Variants in TAFA2 observed in about 807,000 individuals in gnomAD.
TAFA2 encodes the protein TAFA chemokine like family member 2.
In TAFA2, 7 loss-of-function variants were observed where a neutral mutation model predicts 18.8. That is an observed-to-expected ratio of 0.37 (90% CI 0.21 to 0.70). The LOEUF is 0.70. Ranked by LOEUF, TAFA2 falls within the 30% of genes least tolerant of loss-of-function variation. The pLI is 0.53. For missense variants in TAFA2, 122 were observed against 158.1 expected, an observed-to-expected ratio of 0.77 and a Z score of 1.23; for synonymous variants, 60 against 54.2, an observed-to-expected ratio of 1.11 and a Z score of -0.47.
intron 1 of TAFA2, among the ~76,000 whole-genome samples, chr12:61,869,372 T>C (rs1341207947): frequency 3.3e-5 from 5 of 152,198 alleles, no homozygotes; most frequent in African/African-American, 9.6e-5. Flanking sequence ...GTGTAAAAGG[T>C]TTAACACTAT....
intron 2 of TAFA2, among the ~76,000 whole-genome samples, chr12:61,756,235 G>C (rs909738265): frequency 6.6e-6 from 1 of 151,972 alleles, no homozygotes; most frequent in Non-Finnish European, 1.5e-5. Flanking sequence ...GTAACATACA[G>C]CTTTGACATA....
At chr12:62,082,921 T>G (rs1165495273) in intron 1 of TAFA2, among the ~76,000 whole-genome samples, 1 of 152,206 alleles carries the variant, frequency 6.6e-6, no homozygotes, top group Non-Finnish European at 1.5e-5. Context: ...CAGTGATTTT[T>G]TTTCCATTTA....
chr12:61,769,690 G>GTC (rs1869943605), intron 2 of TAFA2, among the ~76,000 whole-genome samples: 1 of 150,216 alleles, frequency 6.7e-6, no homozygotes. Context: ...GGAGAAGGGG[G>GTC]AGAGCACCAT....
rs368047311 is a variant in TAFA2 at position 62,202,821 on chromosome 12, C to CCT, written c.-130+55941_-130+55942insAG. Among the ~76,000 whole-genome samples, 221 of 61,628 alleles carry CCT rather than the reference C, an allele frequency of 3.6e-3. 15 individuals carry two copies. The highest frequency in any genetic ancestry group is 4.9e-3 in the Non-Finnish European group (161 of 32,864). The allele number at this position is 61,628 out of a possible 152,430, so 40.4% of individuals were successfully genotyped here. On this transcript the variant is annotated intron_variant, in intron 1 of 5. Transcript: ENST00000551619. ...TCAATTTACATGTAGCTGTGTGGTT[C>CCT]TTTTTTTTTTTTTTTTTTTTTTTTT...
At chr12:61,914,799 G>A (rs12305044) in intron 1 of TAFA2, among the ~76,000 whole-genome samples, 14,317 of 152,130 alleles carry the variant, frequency 0.094, 2,220 homozygotes, top group African/African-American at 0.32. Flanking sequence ...TCTCTAAATA[G>A]CTTCCTTTCT....
At chr12:61,914,765 A>G (rs1384915523) in intron 1 of TAFA2, among the ~76,000 whole-genome samples, 1 of 152,196 alleles carries the variant, frequency 6.6e-6, no homozygotes, top group Non-Finnish European at 1.5e-5. Context: ...AGTTGACAAA[A>G]AATTAGACAG....
rs528873157 is a variant in TAFA2 at position 61,957,073 on chromosome 12, C to T, written c.-1-89647G>A. ...TGTTTCACTGAGTTCCCAGGTGTAT[C>T]GCTGACAGAGATGGCAGTTAAATGT... On this transcript the variant is annotated intron_variant, in intron 1 of 4. Transcript: ENST00000416284. Among the ~76,000 whole-genome samples, 8 of 152,226 alleles carry T rather than the reference C, an allele frequency of 5.3e-5. No individual in the cohort carries two copies. The South Asian group carries it at 6.2e-4, about 12-fold the overall frequency.
At chr12:61,793,192 T>C (rs772334511) in intron 2 of TAFA2, among the ~76,000 whole-genome samples, 1 of 151,466 alleles carries the variant, frequency 6.6e-6, no homozygotes, top group Admixed American at 6.6e-5. Flanking sequence ...GCTTTCATCT[T>C]AAGAAACTGT....
At chr12:62,054,446 A>C (rs1475249017) in intron 1 of TAFA2, among the ~76,000 whole-genome samples, 1 of 152,192 alleles carries the variant, frequency 6.6e-6, no homozygotes, top group African/African-American at 2.4e-5. Context: ...CTCAGAGTTC[A>C]CCTCAATATC....
At chr12:61,841,496 G>C (rs1873178225) in intron 2 of TAFA2, among the ~76,000 whole-genome samples, 1 of 151,880 alleles carries the variant, frequency 6.6e-6, no homozygotes, top group African/African-American at 2.4e-5. Context: ...CCATTCTATT[G>C]GTCTATACGT....
chr12:62,202,688 C>T (rs931019011), intron 1 of TAFA2, among the ~76,000 whole-genome samples: 4 of 152,060 alleles, frequency 2.6e-5, no homozygotes, highest in African/African-American at 9.7e-5. Flanking sequence ...TTAACTGCAT[C>T]CCAGAGATCC....
chr12:61,850,495 A>T (rs773001383), intron 2 of TAFA2, among the ~76,000 whole-genome samples: 19 of 152,104 alleles, frequency 1.2e-4, no homozygotes, highest in Non-Finnish European at 1.6e-4. Flanking sequence ...ATGATCAAAA[A>T]AGAATAAATG....
intron 1 of TAFA2, among the ~76,000 whole-genome samples, chr12:62,034,746 A>G (rs533944920): frequency 4.9e-4 from 75 of 152,134 alleles, no homozygotes; most frequent in Non-Finnish European, 9.3e-4. Flanking sequence ...ATACTATTAA[A>G]CTCCTGTAAA....
intron 1 of TAFA2, among the ~76,000 whole-genome samples, chr12:61,947,507 G>A (rs1006953661): frequency 3.9e-5 from 6 of 151,920 alleles, no homozygotes; most frequent in East Asian, 3.9e-4. Flanking sequence ...TTTGTCATTC[G>A]TTTTATCTCA....
chr12:61,771,473 G>T (rs1327329895), intron 2 of TAFA2, among the ~76,000 whole-genome samples: 1 of 151,814 alleles, frequency 6.6e-6, no homozygotes, highest in Non-Finnish European at 1.5e-5. Context: ...TAGACAATAT[G>T]ATAGTCCACA....
At chr12:61,846,128 CA>C (rs1024994576) in intron 2 of TAFA2, among the ~76,000 whole-genome samples, 1 of 152,070 alleles carries the variant, frequency 6.6e-6, no homozygotes, top group Non-Finnish European at 1.5e-5. Flanking sequence ...TAAAGAGCAA[CA>C]AAAGTTGATC....
chr12:62,170,455 A>G (rs1451848789), intron 1 of TAFA2, among the ~76,000 whole-genome samples: 1 of 152,162 alleles, frequency 6.6e-6, no homozygotes, highest in East Asian at 1.9e-4. Flanking sequence ...TTGTACATCA[A>G]GTCAGTCAGG....
At chr12:62,142,533 T>C (rs943069684) in intron 1 of TAFA2, among the ~76,000 whole-genome samples, 4 of 152,184 alleles carry the variant, frequency 2.6e-5, no homozygotes, top group African/African-American at 9.7e-5. Context: ...CAGTGACAAT[T>C]CATAGTGTCT....
intron 1 of TAFA2, among the ~76,000 whole-genome samples, chr12:61,933,885 A>G (rs913238847): frequency 1.3e-5 from 2 of 152,226 alleles, no homozygotes; most frequent in Non-Finnish European, 2.9e-5. Context: ...TATTTAACAG[A>G]AAAGTATCCC....
Sources: gnomAD v4.1 joint callset for allele counts (sites outside exome capture counted in the v4.1 genomes callset) on GRCh38, gnomAD v4.1.1 for gene constraint, MANE v1.5 for transcripts, NCBI Gene and HGNC (gene_info 2026-07-23, HGNC 2026-07-21) for gene names.